Variants in SCGB2B2 observed in about 807,000 individuals in gnomAD.
SCGB2B2 encodes secretoglobin family 2B member 2.
A neutral mutation model predicts 7.6 loss-of-function variants in SCGB2B2; 11 were observed. The ratio of observed to expected loss-of-function variants is 1.45; its 90% CI spans 0.91 to 2.40. The LOEUF (loss-of-function observed/expected upper bound fraction) is 2.40, where lower values mean the gene tolerates loss of function less well. Among genes scored for constraint, SCGB2B2 ranks in the 30% most tolerant of loss-of-function variants. The probability of loss-of-function intolerance (pLI) is 0.00; values close to 1 mark genes in which losing one functional copy is unlikely to be tolerated. For synonymous variants in SCGB2B2, 50 were observed against 48.6 expected (o/e 1.03, Z -0.12); for missense variants, 104 against 115.4 (o/e 0.90, Z 0.45).
intron 1 of SCGB2B2, chr19:34,645,792 G>T: frequency 3.4e-6 from 1 of 291,622 alleles, no homozygotes; most frequent in East Asian, 1.1e-4. Context: ...TGCCATCCCA[G>T]GGTCTCAGCT....
chr19:34,632,486 T>C (rs76805519), intron 1 of SCGB2B2, among the ~76,000 whole-genome samples: 2,408 of 152,306 alleles, frequency 0.016, 38 homozygotes, highest in Middle Eastern at 0.027. Context: ...GGGATGGCAG[T>C]AGTACACATA....
chr19:34,599,626 A>C (rs1043494420), intron 1 of SCGB2B2, among the ~76,000 whole-genome samples: 2 of 152,140 alleles, frequency 1.3e-5, no homozygotes, highest in Non-Finnish European at 2.9e-5. Flanking sequence ...GGTGCCTCCC[A>C]CACATGTGGG....
chr19:34,611,634 A>G (rs887313544), intron 1 of SCGB2B2, among the ~76,000 whole-genome samples: 1 of 142,312 alleles, frequency 7.0e-6, no homozygotes, highest in African/African-American at 2.6e-5. Context: ...ATTTGTTTCA[A>G]TAAATTTTAA....
intron 1 of SCGB2B2, among the ~76,000 whole-genome samples, chr19:34,641,894 C>T (rs1044516174): frequency 1.3e-5 from 2 of 152,188 alleles, no homozygotes; most frequent in Non-Finnish European, 2.9e-5. Context: ...ATTCTGAAGG[C>T]TCCCATATGT....
At chr19:34,606,643 C>T (rs2065788060) in intron 1 of SCGB2B2, among the ~76,000 whole-genome samples, 1 of 151,104 alleles carries the variant, frequency 6.6e-6, no homozygotes, top group African/African-American at 2.4e-5. Context: ...CAACTAGGGT[C>T]CAAAAATTGG....
intron 1 of SCGB2B2, among the ~76,000 whole-genome samples, chr19:34,670,740 T>A (rs1384637727): frequency 6.6e-6 from 1 of 152,184 alleles, no homozygotes; most frequent in Non-Finnish European, 1.5e-5. Flanking sequence ...GTTGACAAAG[T>A]TGAATGTGTT....
At chr19:34,633,362 T>G (rs1415516803) in intron 1 of SCGB2B2, among the ~76,000 whole-genome samples, 2 of 152,148 alleles carry the variant, frequency 1.3e-5, no homozygotes, top group African/African-American at 4.8e-5. Flanking sequence ...AGCCCCAAAC[T>G]AGAAGCAATC....
intron 1 of SCGB2B2, among the ~76,000 whole-genome samples, chr19:34,599,950 A>G (rs755405247): frequency 3.3e-5 from 5 of 152,160 alleles, no homozygotes; most frequent in Non-Finnish European, 7.3e-5. Flanking sequence ...AAACCTCACA[A>G]TGCGCCCTCC....
intron 1 of SCGB2B2, among the ~76,000 whole-genome samples, chr19:34,617,646 CT>C: frequency 6.6e-6 from 1 of 152,318 alleles, no homozygotes; most frequent in South Asian, 2.1e-4. Context: ...GACAATTTGA[CT>C]TCCTCTTTTC....
At chr19:34,604,344 C>A (rs567372197) in intron 1 of SCGB2B2, among the ~76,000 whole-genome samples, 1 of 152,250 alleles carries the variant, frequency 6.6e-6, no homozygotes, top group African/African-American at 2.4e-5. Flanking sequence ...ATGAGATTAC[C>A]TTTTCCTTAG....
Position 34,610,682 on chromosome 19 carries a change from A to G in SCGB2B2, c.-2031-14088T>C, listed in dbSNP as rs8106564. ...AAATCCCACTTGATCATGGTGAATTAGCATTTTGCTAAGCTGTTGAGGTTG... is the reference window on the plus strand; with the variant it reads ...AAATCCCACTTGATCATGGTGAATTGGCATTTTGCTAAGCTGTTGAGGTTG... On this transcript the variant is annotated intron_variant, in intron 1 of 3. Coordinates refer to ENST00000601241, the MANE Select transcript of SCGB2B2 (RefSeq NM_001025591.4). Among the ~76,000 whole-genome samples the G allele has an allele frequency of 2.0e-5, 3 of 151,792 alleles. No individual in the cohort carries two copies. In the East Asian group the frequency reaches 5.8e-4, roughly 29 times the overall value.
intron 1 of SCGB2B2, among the ~76,000 whole-genome samples, chr19:34,653,026 T>C (rs539462584): frequency 6.6e-6 from 1 of 151,386 alleles, no homozygotes; most frequent in South Asian, 2.1e-4. Context: ...GATTTAGCTA[T>C]GAAAAAGAAT....
chr19:34,636,518 G>A (rs779251980), intron 1 of SCGB2B2, among the ~76,000 whole-genome samples: 2 of 152,182 alleles, frequency 1.3e-5, no homozygotes, highest in Non-Finnish European at 2.9e-5. Flanking sequence ...AACTGCAACT[G>A]AGTAGCTGTT....
chr19:34,673,931 G>A (rs1600075091), intron 1 of SCGB2B2, among the ~76,000 whole-genome samples: 2 of 152,220 alleles, frequency 1.3e-5, no homozygotes, highest in African/African-American at 4.8e-5. Context: ...CTAACGATGG[G>A]GCATTCACAA....
intron 1 of SCGB2B2, among the ~76,000 whole-genome samples, chr19:34,653,752 T>C (rs1484834316): frequency 2.6e-5 from 4 of 151,256 alleles, no homozygotes; most frequent in African/African-American, 7.4e-5. Context: ...GAGAAAGCAC[T>C]TGATAATATT....
Position 34,646,917 on chromosome 19 carries a change from CAT to C in SCGB2B2, c.-2032+28711_-2032+28712del, listed in dbSNP as rs200882341. 2.8e-3 allele frequency: 424 copies of C among 152,412 alleles called. 6 individuals are homozygous for C. Among genetic ancestry groups the C allele is most frequent in the Middle Eastern group, 3.4e-3 (1 of 296 alleles). 9.4% of individuals were successfully genotyped at this position (152,412 alleles called of 1,614,324 possible). On this transcript the variant is annotated intron_variant, in intron 1 of 3. Transcript: ENST00000601241. Reference sequence around the variant, plus strand: ...GAAGAACTCAACAGGAATGTGTACACATGTGTGTTTTCTGAGCCCAGGAAATC... The same window carrying C: ...GAAGAACTCAACAGGAATGTGTACACGTGTGTTTTCTGAGCCCAGGAAATC...
intron 1 of SCGB2B2, among the ~76,000 whole-genome samples, chr19:34,637,273 C>A (rs17257282): frequency 0.29 from 43,577 of 152,012 alleles, 6,847 homozygotes; most frequent in Middle Eastern, 0.36. Context: ...CCCTGCAAGG[C>A]CTTAGGGCAC....
intron 1 of SCGB2B2, among the ~76,000 whole-genome samples, chr19:34,659,807 C>CA (rs2067400207): frequency 6.6e-6 from 1 of 151,798 alleles, no homozygotes; most frequent in Non-Finnish European, 1.5e-5. Context: ...TCATATGGAA[C>CA]AAAAAAAGAG....
intron 1 of SCGB2B2, among the ~76,000 whole-genome samples, chr19:34,629,571 G>A (rs1423261919): frequency 6.6e-6 from 1 of 151,862 alleles, no homozygotes; most frequent in Non-Finnish European, 1.5e-5. Flanking sequence ...GGGATGTGAA[G>A]GACCTCTTCA....
Sources: allele counts gnomAD v4.1 joint callset (sites outside exome capture counted in the v4.1 genomes callset), GRCh38; gene constraint gnomAD v4.1.1; transcripts MANE v1.5; gene names NCBI Gene and HGNC (gene_info 2026-07-23, HGNC 2026-07-21).